Variants in GLRX2 observed in about 807,000 individuals in gnomAD.
The protein encoded by GLRX2 is glutaredoxin 2.
GLRX2 carries 12 observed loss-of-function variants against 16.4 expected under a neutral mutation model. The observed-to-expected ratio is 0.73, with a 90% CI of 0.47 to 1.19. GLRX2 has a LOEUF of 1.19. Among genes scored for constraint, GLRX2 ranks in the 50% most tolerant of loss-of-function variants. GLRX2 has a pLI of 0.00. For missense variants in GLRX2, 201 were observed against 201.8 expected, an observed-to-expected ratio of 1.00 and a Z score of 0.02; for synonymous variants, 95 against 76.2, an observed-to-expected ratio of 1.25 and a Z score of -1.28.
At chr1:193,099,450 C>T (rs1276338517) in intron 2 of GLRX2, among the ~76,000 whole-genome samples, 2 of 152,140 alleles carry the variant, frequency 1.3e-5, no homozygotes, top group African/African-American at 4.8e-5. Context: ...AGGTGATTCT[C>T]CCACCTCAGC....
intron 1 of GLRX2, among the ~76,000 whole-genome samples, chr1:193,102,743 T>C (rs1463215746): frequency 6.6e-6 from 1 of 152,194 alleles, no homozygotes; most frequent in Non-Finnish European, 1.5e-5. Flanking sequence ...CCCTACACAG[T>C]AGTCCCCCTT....
chr1:193,100,194 GC>G (rs745909492), intron 2 of GLRX2, among the ~76,000 whole-genome samples: 1 of 152,192 alleles, frequency 6.6e-6, no homozygotes, highest in Non-Finnish European at 1.5e-5. Context: ...GGCAATTCAG[GC>G]CAGGCACGGT....
chr1:193,103,915 G>C (rs1007300219), intron 1 of GLRX2, among the ~76,000 whole-genome samples: 3 of 152,192 alleles, frequency 2.0e-5, no homozygotes, highest in African/African-American at 2.4e-5. Context: ...TAAGATAAAA[G>C]AAAGTTGAGT....
chr1:193,102,969 G>A (rs1410988276), intron 1 of GLRX2, among the ~76,000 whole-genome samples: 3 of 152,126 alleles, frequency 2.0e-5, no homozygotes, highest in African/African-American at 7.2e-5. Context: ...TGACCAGATC[G>A]ACTGTCACAG....
At chr1:193,101,339 T>A in intron 1 of GLRX2, 135 bp from the exon 2 acceptor site, 1 of 641,082 alleles carries the variant, frequency 1.6e-6, no homozygotes, top group Non-Finnish European at 2.7e-6. Context: ...TTACTTATTA[T>A]CAGTACAAAA....
intron 1 of GLRX2, 82 bp downstream of exon 1, chr1:193,105,182 G>A (rs1675162130): frequency 6.9e-7 from 1 of 1,446,708 alleles, no homozygotes; most frequent in South Asian, 1.4e-5. Flanking sequence ...GGGGCAAAGG[G>A]GCACCTCCGC....
intron 1 of GLRX2, 132 bp from the exon 2 acceptor site, chr1:193,101,336 T>TATATTTAA: frequency 1.5e-6 from 1 of 645,676 alleles, no homozygotes. Context: ...ATTTTACTTA[T>TATATTTAA]TATCAGTACA....
chr1:193,097,891 T>C (rs1674992384), intron 2 of GLRX2, 131 bp from the exon 3 acceptor site: 2 of 531,972 alleles, frequency 3.8e-6, no homozygotes, highest in South Asian at 6.9e-5. Flanking sequence ...CATCTATTTT[T>C]TCTCATCTGC....
rs34692395 is a variant in GLRX2, at chr1:193,105,171, C to G, written c.119+93G>C. 127 of 1,425,170 alleles carry G rather than the reference C, an allele frequency of 8.9e-5. 1 individual carries two copies. The East Asian group carries it at 3.6e-3, about 40-fold the overall frequency. 88.3% of individuals were successfully genotyped at this position (1,425,170 alleles called of 1,614,324 possible). Reference sequence around the variant, plus strand: ...CTAGTACGCCTCGCCCACCCGGCGCCGGGGCAAAGGGGCACCTCCGCCCAC... The same window carrying G: ...CTAGTACGCCTCGCCCACCCGGCGCGGGGGCAAAGGGGCACCTCCGCCCAC... On this transcript the variant is annotated intron_variant, in intron 1 of 3. Coordinates refer to ENST00000367439, the MANE Select transcript of GLRX2 (RefSeq NM_197962.3).
At chr1:193,105,480 C>G, upstream of GLRX2, 2 of 1,479,024 alleles carry the variant, frequency 1.4e-6, no homozygotes, top group Non-Finnish European at 1.8e-6. Context: ...CCCGCCCCGT[C>G]CCGCCCCTCC....
At chr1:193,105,533 G>A (rs1195013018), upstream of GLRX2, 2 of 1,570,366 alleles carry the variant, frequency 1.3e-6, no homozygotes, top group Non-Finnish European at 1.7e-6. Flanking sequence ...GCAGCTGAGC[G>A]CGTCCTCCCA....
chr1:193,097,400 G>C (rs1338130402), intron 3 of GLRX2, among the ~76,000 whole-genome samples, 184 bp downstream of exon 3: 1 of 152,108 alleles, frequency 6.6e-6, no homozygotes, highest in Non-Finnish European at 1.5e-5. Context: ...CACACACACA[G>C]AATAAAAATA....
At chr1:193,102,856 C>A (rs1250260843) in intron 1 of GLRX2, among the ~76,000 whole-genome samples, 1 of 152,126 alleles carries the variant, frequency 6.6e-6, no homozygotes, top group African/African-American at 2.4e-5. Context: ...ATGATGAAAT[C>A]TTGAGCCATC....
rs1185787238 is a variant in GLRX2, at chr1:193,105,275, A to G, written c.108T>C (p.Ala36=). 2.0e-6 allele frequency: 3 copies of G among 1,529,956 alleles called. No homozygotes were observed. Among genetic ancestry groups the G allele is most frequent in the Non-Finnish European group, 1.7e-6 (2 of 1,147,128 alleles). The allele number at this position is 1,529,956 out of a possible 1,614,324, so 94.8% of individuals were successfully genotyped here. ...CGCTGACCCCGTACCCAGAGGCCGCAGCTGCCGCAGCTCCCGCAGCTCCCG... is the reference window on the plus strand; with the variant it reads ...CGCTGACCCCGTACCCAGAGGCCGCGGCTGCCGCAGCTCCCGCAGCTCCCG... ...RAAGAAGAAA[A]AASGMESNTS... The change falls in exon 1 of 4, where the codon GCT becomes GCC. Residue 36 remains alanine, a synonymous_variant. Coordinates refer to ENST00000367439, the MANE Select transcript of GLRX2 (RefSeq NM_197962.3).
Position 193,101,275 on chromosome 1 carries a change from A to C in GLRX2, c.120-71T>G, listed in dbSNP as rs557149799. The C allele has an allele frequency of 3.9e-6, 4 of 1,034,342 alleles. No homozygotes were observed. In the African/African-American group the frequency reaches 6.4e-5, roughly 17 times the overall value. The allele number at this position is 1,034,342 out of a possible 1,614,324, so 64.1% of individuals were successfully genotyped here. A position where few individuals can be genotyped will look rare whatever the true frequency, so the allele number is the denominator to read the frequency against. ...ATAATTTATCACGAGTTTTATTTGA[A>C]AAAAATCAATCTCATAAACAAATAT... is the stretch of plus-strand genomic sequence containing the variant. On this transcript the variant is annotated intron_variant, in intron 1 of 3. Transcript: ENST00000367439.
intron 2 of GLRX2, among the ~76,000 whole-genome samples, chr1:193,100,652 G>C (rs1675056672): frequency 6.6e-6 from 1 of 151,326 alleles, no homozygotes; most frequent in Non-Finnish European, 1.5e-5. Context: ...AAACATACAT[G>C]TAAGAGAGAT....
rs1401663852 is a variant in GLRX2 at position 193,105,296 on chromosome 1, T to G, written c.87A>C (p.Gly29=). ...GSAGWLDRAA[G]AAGAAAAAAS... Reference sequence around the variant, plus strand: ...CCGCAGCTGCCGCAGCTCCCGCAGCTCCCGCCGCCCTGTCAAGCCAGCCTG... The same window carrying G: ...CCGCAGCTGCCGCAGCTCCCGCAGCGCCCGCCGCCCTGTCAAGCCAGCCTG... The change falls in exon 1 of 4, where the codon GGA becomes GGC. Residue 29 remains glycine (G), a synonymous_variant. Coordinates refer to ENST00000367439, the MANE Select transcript of GLRX2 (RefSeq NM_197962.3). The G allele has an allele frequency of 2.6e-6, 4 of 1,529,826 alleles. No individual in the cohort carries two copies. The East Asian group carries it at 1.0e-4, about 39-fold the overall frequency. The allele number at this position is 1,529,826 out of a possible 1,614,324, so 94.8% of individuals were successfully genotyped here.
intron 1 of GLRX2, among the ~76,000 whole-genome samples, chr1:193,102,246 C>T (rs926426873): frequency 1.3e-5 from 2 of 152,096 alleles, no homozygotes; most frequent in African/African-American, 4.8e-5. Context: ...ATTGGGGGTG[C>T]ATTTAAAATT....
upstream of GLRX2, chr1:193,105,959 G>A (rs548405026): frequency 3.3e-4 from 328 of 1,004,984 alleles, no homozygotes; most frequent in Non-Finnish European, 3.5e-4. Context: ...TTACTCCAAA[G>A]AAGACAAAGA....
Sources: allele counts gnomAD v4.1 joint callset (sites outside exome capture counted in the v4.1 genomes callset), GRCh38; gene constraint gnomAD v4.1.1; transcripts MANE v1.5; gene names NCBI Gene and HGNC (gene_info 2026-07-23, HGNC 2026-07-21).